CCN3: variants seen among roughly 807,000 people sequenced by gnomAD.
CCN3 encodes cellular communication network factor 3, also known as CCN family member 3.
A neutral mutation model predicts 33.4 loss-of-function variants in CCN3; 20 were observed. That is an observed-to-expected ratio of 0.60 (90% CI 0.42 to 0.87). CCN3 has a LOEUF of 0.87. Among genes scored for constraint, CCN3 ranks in the 40% least tolerant of loss-of-function variants. The pLI is 0.00. For missense variants in CCN3, 465 were observed against 455.3 expected (o/e 1.02, Z -0.19); for synonymous variants, 205 against 170.4 (o/e 1.20, Z -1.58).
intron 4 of CCN3, among the ~76,000 whole-genome samples, chr8:119,421,011 CTTTTTTT>C (rs770175066): frequency 1.5e-4 from 11 of 75,026 alleles, no homozygotes; most frequent in Non-Finnish European, 2.2e-4. Context: ...GACAGTGGTT[CTTTTTTT>C]TTTTTTTTTT....
At chr8:119,418,802 T>TA (rs1279512893) in intron 3 of CCN3, among the ~76,000 whole-genome samples, 3 of 152,214 alleles carry the variant, frequency 2.0e-5, no homozygotes, top group Non-Finnish European at 2.9e-5. Flanking sequence ...GACCTTTTTT[T>TA]ATTCTTATTT....
In CCN3 at chr8:119,419,364, C is replaced by T; in HGVS notation, c.777+19C>T. ...AGATAAGGTAGGAGCCTGGAGGAAA[C>T]CTCCCATCCTGAAGGTAATGGCCTT... On this transcript the variant is annotated intron_variant, in intron 4 of 4. Transcript: ENST00000259526. 1 of 1,610,680 alleles carries T rather than the reference C, an allele frequency of 6.2e-7. No individual in the cohort carries two copies. The highest frequency in any genetic ancestry group is 2.2e-5 in the East Asian group (1 of 44,860).
rs770175066 is a variant in CCN3, at chr8:119,421,011, C to CTTTTTTTTTTT, written c.777+1681_777+1691dup. Among the ~76,000 whole-genome samples, 17 of 75,012 alleles carry CTTTTTTTTTTT rather than the reference C, an allele frequency of 2.3e-4. 1 individual carries two copies. The highest frequency in any genetic ancestry group is 3.6e-4 in the Admixed American group (2 of 5,500). 49.2% of individuals were successfully genotyped at this position (75,012 alleles called of 152,430 possible). On this transcript the variant is annotated intron_variant, in intron 4 of 4. Transcript: ENST00000259526. ...GATTCTTAAATCTAAGACAGTGGTT[C>CTTTTTTTTTTT]TTTTTTTTTTTTTTTTTTTTTTTTT...
intron 4 of CCN3, among the ~76,000 whole-genome samples, chr8:119,422,051 C>T (rs1317282628): frequency 2.0e-5 from 3 of 152,184 alleles, no homozygotes; most frequent in South Asian, 4.1e-4. Flanking sequence ...TGTGTAATTG[C>T]CTTACAGTTA....
chr8:119,416,969 G>T lies in CCN3; in HGVS notation c.310G>T (p.Ala104Ser). ...CAGCAACCAGACTGGCATCTGCACG[G>T]GTAATCCTGCTCCCTCTGCTGTTTG... ...DPSNQTGICT[A>S]VEGDNCVFDG... The change falls in exon 2 of 5, where the codon GCG becomes TCG. Residue 104 changes from alanine to serine, a missense_variant and splice_region_variant. Transcript: ENST00000259526. 1 of 1,608,734 alleles carries T rather than the reference G, an allele frequency of 6.2e-7. No individual in the cohort carries two copies. Among genetic ancestry groups the T allele is most frequent in the Middle Eastern group, 1.7e-4 (1 of 6,042 alleles).
chr8:119,423,051 C>T lies in CCN3; in HGVS notation c.993C>T (p.Cys331=), dbSNP rs1820149746. Residue 331 remains cysteine (C), a synonymous_variant, in exon 5 of 5, where the codon TGC becomes TGT. Coordinates refer to ENST00000259526, the MANE Select transcript of CCN3 (RefSeq NM_002514.4). ...AGCCAGTGATGGTCATTGGGACCTG[C>T]ACCTGTCACACCAACTGTCCTAAGA... ...VKKPVMVIGT[C]TCHTNCPKNN... 1 of 1,614,174 alleles carries T rather than the reference C, an allele frequency of 6.2e-7. No individual in the cohort carries two copies. The highest frequency in any genetic ancestry group is 8.5e-7 in the Non-Finnish European group (1 of 1,180,028).
In CCN3 at chr8:119,418,083, C is replaced by T. The variant is rs201508830; in HGVS notation, c.336C>T (p.Phe112=). Residue 112 remains phenylalanine (F), a synonymous_variant, in exon 3 of 5, where the codon TTC becomes TTT. Coordinates refer to ENST00000259526, the MANE Select transcript of CCN3 (RefSeq NM_002514.4). ...CGGTAGAGGGAGATAACTGTGTGTTCGATGGGGTCATCTACCGCAGTGGAG... is the reference window on the plus strand; with the variant it reads ...CGGTAGAGGGAGATAACTGTGTGTTTGATGGGGTCATCTACCGCAGTGGAG... ...CTAVEGDNCV[F]DGVIYRSGEK... The T allele has an allele frequency of 2.5e-5, 40 of 1,613,768 alleles. No homozygotes were observed. In the Middle Eastern group the frequency reaches 9.9e-4, roughly 40 times the overall value.
intron 1 of CCN3, 23 bp from the exon 2 acceptor site, chr8:119,416,721 C>G: frequency 6.3e-7 from 1 of 1,577,732 alleles, no homozygotes; most frequent in Non-Finnish European, 8.6e-7. Flanking sequence ...TGAGTGGTTT[C>G]TCCTTGTCTC....
rs148096013 is a variant in CCN3 at position 119,419,178 on chromosome 8, G to C, written c.610G>C (p.Val204Leu). Residue 204 changes from valine to leucine, a missense_variant, in exon 4 of 5, where the codon GTC becomes CTC. Val to Leu is a conservative substitution (Grantham distance 32). Transcript: ENST00000259526. ...AGGAGTAGAAGTCTCTGACTCAAGT[G>C]TCAACTGCATTGAACAGACCACAGA... Reference protein sequence around the residue: ...TLGVEVSDSSVNCIEQTTEWT... With the variant: ...TLGVEVSDSSLNCIEQTTEWT... 1 of 1,614,222 alleles carries C rather than the reference G, an allele frequency of 6.2e-7. No individual in the cohort carries two copies. Among genetic ancestry groups the C allele is most frequent in the African/African-American group, 1.3e-5 (1 of 75,054 alleles).
At chr8:119,418,001 G>C (rs973655828) in intron 2 of CCN3, 57 bp from the exon 3 acceptor site, 1 of 1,538,292 alleles carries the variant, frequency 6.5e-7, no homozygotes, top group Non-Finnish European at 8.9e-7. Context: ...TCACTGTATT[G>C]TGTTCTTGTT....
intron 3 of CCN3, among the ~76,000 whole-genome samples, chr8:119,418,628 C>T (rs1252601246): frequency 1.3e-5 from 2 of 152,186 alleles, no homozygotes; most frequent in African/African-American, 4.8e-5. Flanking sequence ...CTCATTAGCA[C>T]TACAAAGACA....
rs1236719465 is a variant in CCN3 at position 119,423,163 on chromosome 8, A to C, written c.*31A>C. ...CACTCAAGAAGCACACCTACAGAGC[A>C]CCTGTAGCTGCTGCGCCACCCACCA... On this transcript the variant is annotated 3_prime_UTR_variant, in exon 5 of 5. Transcript: ENST00000259526. The C allele has an allele frequency of 6.4e-7, 1 of 1,559,910 alleles. No individual in the cohort carries two copies. Among genetic ancestry groups the C allele is most frequent in the African/African-American group, 1.4e-5 (1 of 73,170 alleles).
At chr8:119,417,623 C>T (rs576776140) in intron 2 of CCN3, among the ~76,000 whole-genome samples, 1 of 152,316 alleles carries the variant, frequency 6.6e-6, no homozygotes, top group East Asian at 1.9e-4. Context: ...TTTTATTATG[C>T]TTGAGTGTCA....
chr8:119,416,460 G>T lies in CCN3; in HGVS notation c.-73G>T. The T allele has an allele frequency of 7.0e-7, 1 of 1,435,488 alleles. No homozygotes were observed. 88.9% of individuals were successfully genotyped at this position (1,435,488 alleles called of 1,614,324 possible). ...GCGTGATCGGCAAGCACCGGACCAG[G>T]GGGAAGGCGAGCAGTGCCAATCTAC... On this transcript the variant is annotated 5_prime_UTR_variant, in exon 1 of 5. Coordinates refer to ENST00000259526, the MANE Select transcript of CCN3 (RefSeq NM_002514.4).
intron 4 of CCN3, among the ~76,000 whole-genome samples, chr8:119,421,634 A>G (rs1036137301): frequency 3.3e-5 from 5 of 152,192 alleles, no homozygotes; most frequent in Admixed American, 6.5e-5. Context: ...TTGCTGAATT[A>G]TCAACATTGG....
Position 119,420,874 on chromosome 8 carries a change from C to T in CCN3, c.777+1529C>T, listed in dbSNP as rs996299955. ...GCAAAATTTGTATTTTTTCTTGTAA[C>T]TTGAATCTTCTTTAATATTTGGATA... On this transcript the variant is annotated intron_variant, in intron 4 of 4. Coordinates refer to ENST00000259526, the MANE Select transcript of CCN3 (RefSeq NM_002514.4). 3.3e-5 allele frequency among the ~76,000 whole-genome samples: 5 copies of T among 151,968 alleles called. No homozygotes were observed. The East Asian group carries it at 9.6e-4, about 29-fold the overall frequency.
In CCN3 at chr8:119,421,990, T is replaced by G. The variant is rs574471791; in HGVS notation, c.778-846T>G. Among the ~76,000 whole-genome samples the G allele has an allele frequency of 3.3e-5, 5 of 152,326 alleles. No individual in the cohort carries two copies. In the East Asian group the frequency reaches 9.6e-4, roughly 29 times the overall value. ...TATAACATGTTGTATTAGTCCATTT[T>G]CAAACTGCTATGAAGAACTACCCAA... is the stretch of plus-strand genomic sequence containing the variant. On this transcript the variant is annotated intron_variant, in intron 4 of 4. Transcript: ENST00000259526.
At chr8:119,417,976 T>G in intron 2 of CCN3, 82 bp from the exon 3 acceptor site, 1 of 1,438,904 alleles carries the variant, frequency 6.9e-7, no homozygotes, top group East Asian at 2.3e-5. Context: ...GCCCTCCAAA[T>G]CTTACATAGC....
chr8:119,417,670 C>A (rs1427747157), intron 2 of CCN3, among the ~76,000 whole-genome samples: 1 of 152,166 alleles, frequency 6.6e-6, no homozygotes, highest in Non-Finnish European at 1.5e-5. Context: ...GATCAGCTAA[C>A]CTGTTGGAAA....
Sources: gnomAD v4.1 joint callset for allele counts (sites outside exome capture counted in the v4.1 genomes callset) on GRCh38, gnomAD v4.1.1 for gene constraint, MANE v1.5 for transcripts, NCBI Gene and HGNC (gene_info 2026-07-23, HGNC 2026-07-21) for gene names.